Variants in EFR3A observed in about 807,000 individuals in gnomAD.
EFR3A encodes EFR3 homolog A, also known as protein EFR3 homolog A.
In EFR3A, 76 loss-of-function variants were observed where a neutral mutation model predicts 104.4. The ratio of observed to expected loss-of-function variants is 0.73; its 90% CI spans 0.60 to 0.88. The LOEUF (loss-of-function observed/expected upper bound fraction) is 0.88. Ranked by LOEUF, EFR3A falls within the 40% of genes least tolerant of loss-of-function variation. The pLI is 0.00. For synonymous variants in EFR3A, 330 were observed against 330.0 expected (o/e 1.00, Z 0.00); for missense variants, 985 against 1,012.5 (o/e 0.97, Z 0.37).
intron 1 of EFR3A, among the ~76,000 whole-genome samples, chr8:131,920,554 G>T (rs1199352231): frequency 6.6e-6 from 1 of 152,132 alleles, no homozygotes; most frequent in Non-Finnish European, 1.5e-5. Flanking sequence ...GCAGGATGTC[G>T]CTTCCCCATT....
intron 2 of EFR3A, among the ~76,000 whole-genome samples, chr8:131,942,372 G>A (rs918965478): frequency 6.6e-6 from 1 of 152,066 alleles, no homozygotes; most frequent in Non-Finnish European, 1.5e-5. Context: ...CGGTCAGACA[G>A]TAGGTACCCA....
At chr8:131,991,496 T>C (rs1387393723) in intron 18 of EFR3A, among the ~76,000 whole-genome samples, 1 of 152,170 alleles carries the variant, frequency 6.6e-6, no homozygotes, top group Non-Finnish European at 1.5e-5. Context: ...GAGATAAACC[T>C]CTTGTTGAGT....
intron 5 of EFR3A, among the ~76,000 whole-genome samples, chr8:131,953,272 A>G (rs776348721): frequency 2.7e-4 from 41 of 152,256 alleles, no homozygotes; most frequent in South Asian, 1.9e-3. Context: ...ATGTGTTTAT[A>G]GACATATTTG....
intron 10 of EFR3A, 30 bp downstream of exon 10, chr8:131,970,673 A>G (rs1240795748): frequency 2.5e-6 from 4 of 1,593,420 alleles, no homozygotes; most frequent in African/African-American, 1.3e-5. Context: ...CAAAACTATC[A>G]TGTAAAACAG....
At chr8:131,975,412 AT>A (rs5895119) in intron 10 of EFR3A, among the ~76,000 whole-genome samples, 92 of 111,142 alleles carry the variant, frequency 8.3e-4, no homozygotes, top group African/African-American at 6.3e-4. Context: ...TTTTTTTCCT[AT>A]TTTTTTTTTT....
In EFR3A at chr8:131,916,413, G is replaced by A. The variant is rs546256014; in HGVS notation, c.10+12091G>A. ...TCAGGTTTCTGGCTTTATCATATGG[G>A]TGAATGGTTCTGGTTTGCTATAGGG... On this transcript the variant is annotated intron_variant, in intron 1 of 22. Coordinates refer to ENST00000254624, the MANE Select transcript of EFR3A (RefSeq NM_015137.6). Among the ~76,000 whole-genome samples the A allele has an allele frequency of 1.1e-3, 171 of 152,318 alleles. 1 individual carries two copies. The highest frequency in any genetic ancestry group is 5.7e-4 in the Non-Finnish European group (39 of 68,026).
intron 5 of EFR3A, 133 bp from the exon 6 acceptor site, chr8:131,953,685 G>C (rs891292763): frequency 1.1e-6 from 1 of 884,504 alleles, no homozygotes. Flanking sequence ...TCTTAGACTT[G>C]TGTGTTATTT....
intron 1 of EFR3A, among the ~76,000 whole-genome samples, chr8:131,919,961 G>A (rs540319636): frequency 1.4e-4 from 21 of 152,028 alleles, no homozygotes; most frequent in African/African-American, 5.1e-4. Context: ...ATATGTGCAG[G>A]AAAGAGTAAA....
At chr8:131,922,096 T>C (rs1050412174) in intron 1 of EFR3A, among the ~76,000 whole-genome samples, 7 of 152,170 alleles carry the variant, frequency 4.6e-5, no homozygotes, top group African/African-American at 1.7e-4. Flanking sequence ...GTATTTACTG[T>C]AGTCCTTGGA....
intron 22 of EFR3A, among the ~76,000 whole-genome samples, chr8:132,010,431 T>C (rs1822280835): frequency 1.7e-5 from 2 of 117,764 alleles, no homozygotes; most frequent in South Asian, 3.6e-4. Flanking sequence ...TATATATATA[T>C]ATATATATAT....
At chr8:131,992,846 A>G (rs1343539881) in intron 18 of EFR3A, among the ~76,000 whole-genome samples, 1 of 152,136 alleles carries the variant, frequency 6.6e-6, no homozygotes, top group African/African-American at 2.4e-5. Flanking sequence ...AGAGCCTAGA[A>G]TGTCCTTTTA....
intron 4 of EFR3A, among the ~76,000 whole-genome samples, chr8:131,947,704 G>C (rs1818508401): frequency 1.3e-5 from 2 of 151,952 alleles, no homozygotes; most frequent in Non-Finnish European, 2.9e-5. Flanking sequence ...AATCCATTTT[G>C]AGTTAGCTTT....
At chr8:131,934,416 T>C (rs1817772302) in intron 1 of EFR3A, among the ~76,000 whole-genome samples, 1 of 152,156 alleles carries the variant, frequency 6.6e-6, no homozygotes, top group South Asian at 2.1e-4. Context: ...CAAGTTGTTT[T>C]CTCTCTCCTC....
intron 1 of EFR3A, among the ~76,000 whole-genome samples, chr8:131,905,687 T>C (rs1280677736): frequency 6.6e-6 from 1 of 152,236 alleles, no homozygotes; most frequent in East Asian, 1.9e-4. Context: ...ATCATCTTCA[T>C]TGTTATTGCC....
intron 8 of EFR3A, among the ~76,000 whole-genome samples, chr8:131,965,386 A>G (rs898459445): frequency 6.6e-6 from 1 of 151,826 alleles, no homozygotes; most frequent in East Asian, 1.9e-4. Context: ...AAACAACATC[A>G]ACAAGTGGGT....
chr8:131,957,115 A>C (rs1183071311), intron 7 of EFR3A, among the ~76,000 whole-genome samples: 2 of 152,152 alleles, frequency 1.3e-5, no homozygotes, highest in African/African-American at 2.4e-5. Context: ...AATTAAATTA[A>C]TCTTAAGTAA....
chr8:131,932,658 T>C (rs1817665419), intron 1 of EFR3A, among the ~76,000 whole-genome samples: 1 of 152,142 alleles, frequency 6.6e-6, no homozygotes, highest in Non-Finnish European at 1.5e-5. Flanking sequence ...TAAGTTCCTA[T>C]AGAAAGCTCC....
In EFR3A at chr8:131,964,022, C is replaced by T. The variant is rs527665549; in HGVS notation, c.856-4273C>T. 1.9e-3 allele frequency among the ~76,000 whole-genome samples: 289 copies of T among 152,250 alleles called. 2 individuals carry two copies. The highest frequency in any genetic ancestry group is 6.5e-3 in the African/African-American group (271 of 41,538). ...AAAGGCCTTTGACAAAATTCAACAACGCTTCATGCTAAAAACTCTCAATAA... is the reference window on the plus strand; with the variant it reads ...AAAGGCCTTTGACAAAATTCAACAATGCTTCATGCTAAAAACTCTCAATAA... On this transcript the variant is annotated intron_variant, in intron 8 of 22. Transcript: ENST00000254624.
chr8:131,975,496 G>A (rs1032959238), intron 10 of EFR3A, among the ~76,000 whole-genome samples: 1 of 138,492 alleles, frequency 7.2e-6, no homozygotes, highest in South Asian at 2.4e-4. Flanking sequence ...GGCTCACCGC[G>A]ACCTCCACCT....
Sources: allele counts gnomAD v4.1 joint callset (sites outside exome capture counted in the v4.1 genomes callset), GRCh38; gene constraint gnomAD v4.1.1; transcripts MANE v1.5; gene names NCBI Gene and HGNC (gene_info 2026-07-23, HGNC 2026-07-21).